The following STK33 variants were observed in gnomAD, a reference collection of about 807,000 sequenced individuals.
STK33 encodes serine/threonine kinase 33.
Under a neutral mutation model 58.0 loss-of-function variants are expected in STK33, and 52 were observed. The ratio of observed to expected loss-of-function variants is 0.90; its 90% CI spans 0.72 to 1.13. STK33 has a LOEUF of 1.13. Ranked by LOEUF, STK33 falls within the 50% of genes most tolerant of loss-of-function variation. The pLI is 0.00. For missense variants in STK33, 630 were observed against 604.2 expected (o/e 1.04, Z -0.45); for synonymous variants, 215 against 200.1 (o/e 1.07, Z -0.63).
chr11:8,478,073 AC>A (rs1163180454), intron 2 of STK33, among the ~76,000 whole-genome samples: 2 of 152,210 alleles, frequency 1.3e-5, no homozygotes, highest in Non-Finnish European at 2.9e-5. Flanking sequence ...TTAAACAAAA[AC>A]CAAGATAGAA....
At chr11:8,461,754 C>G in intron 8 of STK33, 51 bp downstream of exon 8, 2 of 1,393,100 alleles carry the variant, frequency 1.4e-6, no homozygotes, top group Non-Finnish European at 1.9e-6. Flanking sequence ...GAATGATATT[C>G]ATTTTGTAAT....
At chr11:8,359,480 C>T in the STK33 span, among the ~76,000 whole-genome samples, 1 of 152,190 alleles carries the variant, frequency 6.6e-6, no homozygotes, top group Admixed American at 6.5e-5. Flanking sequence ...CTGGTCTAAA[C>T]TGAGGTCCAA....
chr11:8,359,689 C>T, the STK33 span, among the ~76,000 whole-genome samples: 1 of 152,214 alleles, frequency 6.6e-6, no homozygotes, highest in Non-Finnish European at 1.5e-5. Context: ...TCCCCCAGGG[C>T]CGGGACAGCA....
At chr11:8,387,473 C>T (rs758532487), downstream of STK33, among the ~76,000 whole-genome samples, 5 of 152,196 alleles carry the variant, frequency 3.3e-5, no homozygotes, top group Admixed American at 6.5e-5. Flanking sequence ...ATTCATTTCT[C>T]TGTAGAGATA....
intron 9 of STK33, among the ~76,000 whole-genome samples, chr11:8,455,906 T>C (rs568646182): frequency 7.9e-5 from 12 of 151,892 alleles, no homozygotes; most frequent in African/African-American, 2.9e-4. Context: ...TAATCATTTA[T>C]AGCTCCCTTA....
At chr11:8,457,502 G>A in intron 8 of STK33, 23 bp from the exon 9 acceptor site, 1 of 1,541,688 alleles carries the variant, frequency 6.5e-7, no homozygotes, top group East Asian at 2.3e-5. Flanking sequence ...ATATAAAAGA[G>A]AGAGAGAGCA....
intron 15 of STK33, among the ~76,000 whole-genome samples, chr11:8,409,240 G>A (rs1055983710): frequency 6.6e-6 from 1 of 152,178 alleles, no homozygotes; most frequent in Non-Finnish European, 1.5e-5. Context: ...GGTTGTGCCA[G>A]GCTAAACTTC....
At chr11:8,450,895 T>C (rs187150465) in intron 11 of STK33, among the ~76,000 whole-genome samples, 79 of 152,318 alleles carry the variant, frequency 5.2e-4, no homozygotes, top group East Asian at 3.5e-3. Context: ...CAGATTTAAA[T>C]AGACACTTCA....
chr11:8,439,280 G>T (rs1944425054), intron 12 of STK33, among the ~76,000 whole-genome samples: 1 of 151,834 alleles, frequency 6.6e-6, no homozygotes, highest in South Asian at 2.1e-4. Context: ...TGTCCTCCAT[G>T]GAATTTAGAA....
At chr11:8,415,335 G>A (rs962054579) in intron 14 of STK33, among the ~76,000 whole-genome samples, 1 of 152,056 alleles carries the variant, frequency 6.6e-6, no homozygotes, top group Non-Finnish European at 1.5e-5. Context: ...CTTCCTTCTA[G>A]GCTCATGGTA....
At chr11:8,343,155 C>T in the STK33 span, among the ~76,000 whole-genome samples, 1 of 152,262 alleles carries the variant, frequency 6.6e-6, no homozygotes, top group Admixed American at 6.5e-5. Flanking sequence ...CGGGACAGAG[C>T]CCCAGTGGGA....
intron 1 of STK33, among the ~76,000 whole-genome samples, chr11:8,500,339 A>AAC (rs35599782): frequency 0.076 from 11,393 of 150,440 alleles, 510 homozygotes; most frequent in Non-Finnish European, 0.098. Flanking sequence ...AACACCCCCC[A>AAC]ACACACACAC....
intron 1 of STK33, among the ~76,000 whole-genome samples, chr11:8,513,486 G>C (rs1415259559): frequency 6.6e-6 from 1 of 152,138 alleles, no homozygotes; most frequent in Non-Finnish European, 1.5e-5. Context: ...ACCAAAAACA[G>C]AACTATAAGT....
chr11:8,559,831 T>C (rs1957003447), intron 1 of STK33, among the ~76,000 whole-genome samples: 1 of 152,132 alleles, frequency 6.6e-6, no homozygotes, highest in South Asian at 2.1e-4. Flanking sequence ...ATTCTAGAAA[T>C]TTTCTTTGCA....
chr11:8,477,139 T>TACACACACACACACACACAC (rs146828395), intron 3 of STK33, 111 bp downstream of exon 3: 2 of 141,158 alleles, frequency 1.4e-5, no homozygotes, highest in African/African-American at 5.3e-5. Flanking sequence ...CCACTCAAAA[T>TACACACACACACACACACAC]ACACACACAC....
At chr11:8,444,484 C>A (rs528113263) in intron 11 of STK33, among the ~76,000 whole-genome samples, 84 of 152,110 alleles carry the variant, frequency 5.5e-4, no homozygotes, top group African/African-American at 1.9e-3. Flanking sequence ...ATACCTAGAA[C>A]AATGTCTGAC....
chr11:8,586,379 T>A (rs2031632576), intron 1 of STK33, among the ~76,000 whole-genome samples: 1 of 152,154 alleles, frequency 6.6e-6, no homozygotes, highest in East Asian at 1.9e-4. Context: ...CCTCTAGGCC[T>A]TTGAGTCTGC....
chr11:8,503,553 A>C (rs1951668893), intron 1 of STK33, among the ~76,000 whole-genome samples: 1 of 152,194 alleles, frequency 6.6e-6, no homozygotes, highest in Non-Finnish European at 1.5e-5. Flanking sequence ...CAACATAGAC[A>C]CCAAACCCTT....
chr11:8,362,865 TC>T, the STK33 span, among the ~76,000 whole-genome samples: 2 of 151,760 alleles, frequency 1.3e-5, no homozygotes, highest in African/African-American at 2.4e-5. Context: ...TCTCCCTCCC[TC>T]TCTTCCTCCC....
Sources: allele counts gnomAD v4.1 joint callset (sites outside exome capture counted in the v4.1 genomes callset), GRCh38; gene constraint gnomAD v4.1.1; transcripts MANE v1.5; gene names NCBI Gene and HGNC (gene_info 2026-07-23, HGNC 2026-07-21).